The following DNAAF11 variants were observed in gnomAD, a reference collection of about 807,000 sequenced individuals.
DNAAF11 encodes the protein dynein axonemal assembly factor 11, also known as leucine rich repeat containing 6.
Under a neutral mutation model 60.8 loss-of-function variants are expected in DNAAF11, and 45 were observed. That is an observed-to-expected ratio of 0.74 (90% CI 0.58 to 0.95). The LOEUF is 0.95. DNAAF11 is among the 40% of genes least tolerant of loss of function. The probability of loss-of-function intolerance (pLI) is 0.00; values close to 1 mark genes in which losing one functional copy is unlikely to be tolerated. For synonymous variants in DNAAF11, 191 were observed against 183.5 expected, an observed-to-expected ratio of 1.04 and a Z score of -0.33; for missense variants, 546 against 546.2, an observed-to-expected ratio of 1.00 and a Z score of 0.00.
chr8:132,627,398 G>C (rs1259082082), intron 5 of DNAAF11, among the ~76,000 whole-genome samples: 1 of 152,160 alleles, frequency 6.6e-6, no homozygotes, highest in Non-Finnish European at 1.5e-5. Flanking sequence ...ATGAAACAGA[G>C]TGAGCTCATT....
intron 11 of DNAAF11, among the ~76,000 whole-genome samples, chr8:132,579,774 C>T (rs1815129723): frequency 6.6e-6 from 1 of 152,138 alleles, no homozygotes; most frequent in African/African-American, 2.4e-5. Context: ...GCGGGCGGAT[C>T]ACTTGAGGCC....
intron 10 of DNAAF11, among the ~76,000 whole-genome samples, chr8:132,589,930 G>A (rs1225079334): frequency 2.0e-5 from 3 of 152,198 alleles, no homozygotes; most frequent in Admixed American, 6.5e-5. Context: ...AGGTTAAGGG[G>A]ATGGTTTCTT....
intron 8 of DNAAF11, among the ~76,000 whole-genome samples, chr8:132,614,667 G>A (rs1267038738): frequency 6.6e-6 from 1 of 152,132 alleles, no homozygotes. Flanking sequence ...ATGGGACTGA[G>A]GGAGGGGAGC....
rs113972187 is a variant in DNAAF11, at chr8:132,667,070, G to A, written c.11-5443C>T. Among the ~76,000 whole-genome samples the A allele has an allele frequency of 3.7e-3, 557 of 152,286 alleles. 3 individuals are homozygous for A. The highest frequency in any genetic ancestry group is 0.013 in the African/African-American group (524 of 41,560). On this transcript the variant is annotated intron_variant, in intron 1 of 11. Coordinates refer to ENST00000620350, the MANE Select transcript of DNAAF11 (RefSeq NM_012472.6). The stretch of plus-strand genomic sequence containing the variant: ...TGAAGGAATTGGGAGATATAAAAAA[G>A]CTAGGCAAGTTTGAGTCCATTGTAA...
chr8:132,658,048 C>T (rs1398454538), intron 2 of DNAAF11, among the ~76,000 whole-genome samples: 1 of 152,176 alleles, frequency 6.6e-6, no homozygotes, highest in Non-Finnish European at 1.5e-5. Context: ...TTCTCAGGTA[C>T]ACCATGAAGC....
At chr8:132,680,871 C>A in the DNAAF11 span, among the ~76,000 whole-genome samples, 1 of 151,688 alleles carries the variant, frequency 6.6e-6, no homozygotes. Flanking sequence ...ACATGTAAAA[C>A]CCTTAGAAGA....
chr8:132,654,357 T>C (rs554494234), intron 3 of DNAAF11, among the ~76,000 whole-genome samples: 183 of 151,926 alleles, frequency 1.2e-3, no homozygotes, highest in African/African-American at 4.3e-3. Flanking sequence ...CTTTTAATAA[T>C]AGATAAAACA....
chr8:132,640,889 AAGAT>A (rs770409125), intron 3 of DNAAF11, among the ~76,000 whole-genome samples: 1 of 152,180 alleles, frequency 6.6e-6, no homozygotes, highest in East Asian at 1.9e-4. Context: ...TACTCAAAGA[AAGAT>A]AAGAACATTT....
chr8:132,590,089 T>A (rs1411589595), intron 10 of DNAAF11, among the ~76,000 whole-genome samples: 1 of 152,232 alleles, frequency 6.6e-6, no homozygotes, highest in Non-Finnish European at 1.5e-5. Flanking sequence ...CTGTCTTTGC[T>A]CTGCTCTGTA....
At chr8:132,598,906 C>G (rs374632999) in intron 10 of DNAAF11, among the ~76,000 whole-genome samples, 1 of 151,884 alleles carries the variant, frequency 6.6e-6, no homozygotes, top group East Asian at 1.9e-4. Flanking sequence ...TAGCAGAAGG[C>G]GAGAAATAAC....
rs1467063591 is a variant in DNAAF11 at position 132,622,637 on chromosome 8, C to T, written c.888G>A (p.Gly296=). The change falls in exon 7 of 12, where the codon GGG becomes GGA. Residue 296 remains glycine (G), a synonymous_variant. Transcript: ENST00000620350. ...TGGGCTCATTCACATTTAGGGCTTT[C>T]CCATCTTCAGTGATCAAAGTCCTGG... ...KPPRTLITED[G]KALNVNEPKI... 3 of 1,613,716 alleles carry T rather than the reference C, an allele frequency of 1.9e-6. No individual in the cohort carries two copies. The highest frequency in any genetic ancestry group is 1.7e-6 in the Non-Finnish European group (2 of 1,179,810).
intron 10 of DNAAF11, among the ~76,000 whole-genome samples, chr8:132,594,852 A>G (rs1816824068): frequency 6.6e-6 from 1 of 152,174 alleles, no homozygotes; most frequent in Admixed American, 6.5e-5. Flanking sequence ...GCAGTTCTTT[A>G]TAGCAGTGTG....
At chr8:132,612,449 TTGTC>T (rs969402374) in intron 8 of DNAAF11, among the ~76,000 whole-genome samples, 2 of 152,178 alleles carry the variant, frequency 1.3e-5, no homozygotes, top group African/African-American at 4.8e-5. Flanking sequence ...GCAGAAATAA[TTGTC>T]TGACAGTTCT....
chr8:132,690,581 T>C, the DNAAF11 span, among the ~76,000 whole-genome samples: 1 of 152,200 alleles, frequency 6.6e-6, no homozygotes, highest in Non-Finnish European at 1.5e-5. Context: ...TCAATGTTGA[T>C]ACATTATTAT....
chr8:132,632,792 T>C lies in DNAAF11; in HGVS notation c.601A>G (p.Arg201Gly), dbSNP rs779550260. 6.2e-7 allele frequency: 1 copy of C among 1,614,016 alleles called. No individual in the cohort carries two copies. Among genetic ancestry groups the C allele is most frequent in the South Asian group, 1.1e-5 (1 of 91,070 alleles). ...CGTCCATCAAAGCCTGCGTTACTTC[T>C]CTTGTCTTCATTTTTATCCTCTTCT... The part of the protein sequence containing the change: ...HQEEDKNEDK[R>G]SNAGFDGRWY... The change falls in exon 5 of 12, where the codon AGA (arginine) becomes GGA (glycine). Residue 201 changes from arginine (R) to glycine (G), a missense_variant. Arg to Gly is a moderately radical substitution (Grantham distance 125, BLOSUM62 -2). Coordinates refer to ENST00000620350, the MANE Select transcript of DNAAF11 (RefSeq NM_012472.6).
the DNAAF11 span, among the ~76,000 whole-genome samples, chr8:132,702,499 C>T: frequency 3.3e-5 from 5 of 152,168 alleles, no homozygotes; most frequent in Admixed American, 6.5e-5. Context: ...TTTCTATCAT[C>T]TCACCTAATA....
chr8:132,595,923 G>C (rs771136576), intron 10 of DNAAF11, among the ~76,000 whole-genome samples: 3 of 152,132 alleles, frequency 2.0e-5, no homozygotes, highest in Non-Finnish European at 2.9e-5. Context: ...GTGGGAGGTG[G>C]TGTTAAGAAA....
intron 1 of DNAAF11, among the ~76,000 whole-genome samples, chr8:132,667,637 G>A (rs191660916): frequency 6.6e-6 from 1 of 152,278 alleles, no homozygotes; most frequent in East Asian, 1.9e-4. Flanking sequence ...TGTCTGACTG[G>A]AGAAATAAGC....
chr8:132,685,968 T>C, the DNAAF11 span, among the ~76,000 whole-genome samples: 1 of 152,094 alleles, frequency 6.6e-6, no homozygotes, highest in African/African-American at 2.4e-5. Context: ...GTAGCCAAGA[T>C]TGAAAAGATT....
Sources: gnomAD v4.1 joint callset for allele counts (sites outside exome capture counted in the v4.1 genomes callset) on GRCh38, gnomAD v4.1.1 for gene constraint, MANE v1.5 for transcripts, NCBI Gene and HGNC (gene_info 2026-07-23, HGNC 2026-07-21) for gene names.